RIF1: variants seen among roughly 807,000 people sequenced by gnomAD.
RIF1 encodes the protein telomere-associated protein RIF1.
RIF1 carries 45 observed loss-of-function variants against 247.1 expected under a neutral mutation model. That is an observed-to-expected ratio of 0.18 (90% CI 0.14 to 0.23). The LOEUF (loss-of-function observed/expected upper bound fraction) is 0.23. RIF1 is among the 10% of genes least tolerant of loss of function. The probability of loss-of-function intolerance (pLI) is 1.00; values close to 1 mark genes in which losing one functional copy is unlikely to be tolerated. For synonymous variants in RIF1, 1,087 were observed against 978.8 expected (o/e 1.11, Z -2.06); for missense variants, 2,967 against 2,862.5 (o/e 1.04, Z -0.83).
the RIF1 span, among the ~76,000 whole-genome samples, chr2:151,522,332 T>G: frequency 2.6e-5 from 4 of 152,326 alleles, no homozygotes; most frequent in South Asian, 8.3e-4. Flanking sequence ...AGAAACTATA[T>G]TAAATACCAA....
chr2:151,527,705 G>A, the RIF1 span: 1 of 693,890 alleles, frequency 1.4e-6, no homozygotes, highest in Non-Finnish European at 2.4e-6. Context: ...CCTAATGCAA[G>A]AGGAAGCCCC....
rs540816110 is a variant in RIF1, at chr2:151,489,672, T to C, written c.*416-5557T>C. On this transcript the variant is annotated intron_variant and NMD_transcript_variant, in intron 9 of 13. Coordinates refer to the RIF1 transcript ENST00000454583. ...TCAGCGTCCCAAAGTGCTGGCATTA[T>C]AGGCATGATTCACTATGCCCAGCAA... Among the ~76,000 whole-genome samples the C allele has an allele frequency of 4.6e-5, 7 of 152,254 alleles. No individual in the cohort carries two copies. The South Asian group carries it at 1.5e-3, about 32-fold the overall frequency.
intron 20 of RIF1, among the ~76,000 whole-genome samples, chr2:151,450,994 G>GTTTAT (rs1694216753): frequency 6.6e-6 from 1 of 152,158 alleles, no homozygotes; most frequent in Admixed American, 6.5e-5. Context: ...TCCAATCTCA[G>GTTTAT]TTTATTGGTT....
chr2:151,499,411 TC>T, exon 11 of RIF1: 1 of 1,428,982 alleles, frequency 7.0e-7, no homozygotes, highest in Non-Finnish European at 9.6e-7. Flanking sequence ...CAAGAAAGCA[TC>T]CAGAAAAAAC....
chr2:151,417,006 A>C, intron 6 of RIF1, 105 bp downstream of exon 6: 3 of 774,314 alleles, frequency 3.9e-6, no homozygotes, highest in Non-Finnish European at 6.3e-6. Flanking sequence ...AAAGGGGGGA[A>C]TGTCATTTAC....
chr2:151,440,208 T>A, intron 15 of RIF1, 81 bp downstream of exon 15: 1 of 805,542 alleles, frequency 1.2e-6, no homozygotes, highest in Non-Finnish European at 2.0e-6. Flanking sequence ...TGCACAAATC[T>A]AGTTTGGGAA....
At chr2:151,457,066 C>A (rs1426016548) in intron 23 of RIF1, among the ~76,000 whole-genome samples, 2 of 151,798 alleles carry the variant, frequency 1.3e-5, no homozygotes, top group African/African-American at 4.9e-5. Flanking sequence ...TTTAATAACA[C>A]CATATGAACA....
intron 6 of RIF1, 30 bp from the exon 7 acceptor site, chr2:151,420,160 G>A (rs767573944): frequency 8.2e-6 from 13 of 1,585,576 alleles, no homozygotes; most frequent in African/African-American, 5.4e-5. Context: ...ATGAGGTCAC[G>A]CTAATTATTC....
chr2:151,531,024 A>T, the RIF1 span: 1 of 1,613,384 alleles, frequency 6.2e-7, no homozygotes, highest in Non-Finnish European at 8.5e-7. Context: ...CCTTGCGGAC[A>T]TGCAGCAACA....
chr2:151,515,234 TG>T, the RIF1 span, among the ~76,000 whole-genome samples: 1 of 152,186 alleles, frequency 6.6e-6, no homozygotes, highest in African/African-American at 2.4e-5. Flanking sequence ...CTGAATCCTC[TG>T]TTGTCTCTTC....
chr2:151,489,707 ATAG>A (rs1341425259), intron 9 of RIF1, among the ~76,000 whole-genome samples: 1 of 152,046 alleles, frequency 6.6e-6, no homozygotes, highest in Non-Finnish European at 1.5e-5. Flanking sequence ...AATGTTTAAG[ATAG>A]TAGGTGAGAC....
At chr2:151,489,856 T>C (rs944667720) in intron 9 of RIF1, 84 of 642,858 alleles carry the variant, frequency 1.3e-4, no homozygotes, top group African/African-American at 1.3e-3. Flanking sequence ...TAAAAGAGCA[T>C]TATATAAAAT....
At chr2:151,524,611 A>C in the RIF1 span, 1 of 1,575,844 alleles carries the variant, frequency 6.3e-7, no homozygotes, top group Non-Finnish European at 8.6e-7. Flanking sequence ...CTTTTCTGTA[A>C]GCGACCTTTA....
chr2:151,492,816 A>C, intron 9 of RIF1: 1 of 202,572 alleles, frequency 4.9e-6, no homozygotes. Context: ...TTGGCTCTAA[A>C]TCTGACATTG....
chr2:151,508,145 A>T, downstream of RIF1: 1 of 1,453,708 alleles, frequency 6.9e-7, no homozygotes, highest in Admixed American at 1.9e-5. Context: ...GAGGGTAAAC[A>T]CCACAGGGAT....
chr2:151,427,157 A>G (rs186494010), intron 8 of RIF1, among the ~76,000 whole-genome samples: 1 of 150,668 alleles, frequency 6.6e-6, no homozygotes, highest in Non-Finnish European at 1.5e-5. Context: ...TGTTGATGTA[A>G]TTTTTTATTT....
intron 10 of RIF1, chr2:151,496,363 T>TAAC (rs762133567): frequency 2.5e-6 from 4 of 1,608,138 alleles, no homozygotes; most frequent in African/African-American, 1.3e-5. Context: ...TTTCTTTGTA[T>TAAC]AACACCTGTG....
chr2:151,506,647 T>C (rs991769992), intron 13 of RIF1, among the ~76,000 whole-genome samples: 1 of 152,214 alleles, frequency 6.6e-6, no homozygotes, highest in African/African-American at 2.4e-5. Context: ...TCCATCTTCT[T>C]GGAGCAAGAC....
the RIF1 span, among the ~76,000 whole-genome samples, chr2:151,520,222 G>T: frequency 6.6e-6 from 1 of 152,050 alleles, no homozygotes; most frequent in Admixed American, 6.5e-5. Flanking sequence ...TAAATTAGGA[G>T]AATTTATTGT....
Sources: allele counts gnomAD v4.1 joint callset (sites outside exome capture counted in the v4.1 genomes callset), GRCh38; gene constraint gnomAD v4.1.1; transcripts MANE v1.5; gene names NCBI Gene and HGNC (gene_info 2026-07-23, HGNC 2026-07-21).